Variants in WDR59 observed in about 807,000 individuals in gnomAD.
WDR59 encodes the protein GATOR2 complex protein WDR59.
Under a neutral mutation model 131.2 loss-of-function variants are expected in WDR59, and 100 were observed. That is an observed-to-expected ratio of 0.76 (90% CI 0.65 to 0.90). The LOEUF (loss-of-function observed/expected upper bound fraction) is 0.90. WDR59 is among the 40% of genes least tolerant of loss of function. The pLI, the probability that WDR59 is intolerant of heterozygous loss-of-function variation, is 0.00. For missense variants in WDR59, 1,203 were observed against 1,262.2 expected, an observed-to-expected ratio of 0.95 and a Z score of 0.71; for synonymous variants, 601 against 466.2, an observed-to-expected ratio of 1.29 and a Z score of -3.72.
chr16:74,917,144 C>A (rs929676357), intron 11 of WDR59, among the ~76,000 whole-genome samples: 1 of 152,172 alleles, frequency 6.6e-6, no homozygotes, highest in Non-Finnish European at 1.5e-5. Flanking sequence ...TAAGGCAGAG[C>A]AGAGCAAGGG....
intron 9 of WDR59, among the ~76,000 whole-genome samples, 189 bp downstream of exon 9, chr16:74,923,737 C>A (rs1317924436): frequency 2.0e-5 from 3 of 152,024 alleles, no homozygotes; most frequent in Non-Finnish European, 4.4e-5. Context: ...CCACTGCGCC[C>A]GGCCAAGAAT....
At position 74,921,987 on chromosome 16, in the gene WDR59, A is replaced by G. The variant is rs1342374572; in HGVS notation, c.846T>C (p.Asp282=). The part of the protein sequence containing the change: ...NTPVHTFVGH[D]DVVLEFQWRK... ...TCCACTGGAACTCCAGGACCACATC[A>G]TCATGCCCCACGAAGGTGTGGACTG... Residue 282 remains aspartate (D), a synonymous_variant, in exon 10 of 26, where the codon GAT becomes GAC. Coordinates refer to ENST00000262144, the MANE Select transcript of WDR59 (RefSeq NM_030581.4). The G allele has an allele frequency of 6.2e-7, 1 of 1,614,162 alleles. No homozygotes were observed. The highest frequency in any genetic ancestry group is 2.2e-5 in the East Asian group (1 of 44,886).
rs538145856 is a variant in WDR59 at position 74,908,764 on chromosome 16, A to G, written c.1712+144T>C. On this transcript the variant is annotated intron_variant, in intron 17 of 25. Transcript: ENST00000262144. Reference sequence around the variant, plus strand: ...CTTTTTTGCAATTTAATTGACTTCAATCTTTCTCAAATAAATCTTATAATG... The same window carrying G: ...CTTTTTTGCAATTTAATTGACTTCAGTCTTTCTCAAATAAATCTTATAATG... The G allele has an allele frequency of 2.2e-3, 1,379 of 614,004 alleles. 15 individuals carry two copies. Among genetic ancestry groups the G allele is most frequent in the Middle Eastern group, 1.0e-2 (39 of 3,906 alleles). The allele number at this position is 614,004 out of a possible 1,614,324, so 38.0% of individuals were successfully genotyped here. A position where few individuals can be genotyped will look rare whatever the true frequency, so the allele number is the denominator to read the frequency against.
chr16:74,981,578 T>A (rs2034404593), intron 1 of WDR59, among the ~76,000 whole-genome samples: 1 of 141,726 alleles, frequency 7.1e-6, no homozygotes, highest in Admixed American at 7.2e-5. Context: ...ACATATATAT[T>A]TTTTGTATTT....
intron 1 of WDR59, among the ~76,000 whole-genome samples, chr16:74,981,660 A>ATTTTTTT (rs1181233727): frequency 2.5e-5 from 2 of 80,862 alleles, no homozygotes; most frequent in African/African-American, 1.5e-4. Flanking sequence ...ATATATATAT[A>ATTTTTTT]TTTTTTTTTT....
chr16:74,899,585 A>T, intron 18 of WDR59: 1 of 887,540 alleles, frequency 1.1e-6, no homozygotes, highest in Non-Finnish European at 1.6e-6. Context: ...TGGTCCTGAA[A>T]ACAGCTCGCC....
At chr16:74,978,271 G>A (rs549062369) in intron 1 of WDR59, among the ~76,000 whole-genome samples, 41 of 146,758 alleles carry the variant, frequency 2.8e-4, no homozygotes, top group East Asian at 6.0e-4. Flanking sequence ...ACGGTGAGCC[G>A]AGATCGTGCG....
intron 3 of WDR59, among the ~76,000 whole-genome samples, chr16:74,952,425 C>A (rs1371012161): frequency 2.6e-4 from 30 of 115,596 alleles, no homozygotes; most frequent in Non-Finnish European, 4.3e-4. Flanking sequence ...CTGGGTGACA[C>A]AGCAAGACCC....
At chr16:74,936,757 G>A (rs1405293201) in intron 8 of WDR59, among the ~76,000 whole-genome samples, 1 of 150,816 alleles carries the variant, frequency 6.6e-6, no homozygotes, top group African/African-American at 2.4e-5. Context: ...ACCCAGGAGC[G>A]GAGGTTGCAG....
At chr16:74,932,034 T>A (rs2031434588) in intron 8 of WDR59, among the ~76,000 whole-genome samples, 1 of 151,352 alleles carries the variant, frequency 6.6e-6, no homozygotes, top group Middle Eastern at 3.5e-3. Context: ...TATTAATGAA[T>A]AACCTTTGAA....
intron 7 of WDR59, among the ~76,000 whole-genome samples, chr16:74,941,798 G>T (rs950025058): frequency 6.6e-6 from 1 of 152,060 alleles, no homozygotes; most frequent in African/African-American, 2.4e-5. Flanking sequence ...GGCTTCCCCA[G>T]CATGTCCTGG....
intron 1 of WDR59, among the ~76,000 whole-genome samples, chr16:74,974,392 T>C (rs1318541272): frequency 6.6e-6 from 1 of 152,150 alleles, no homozygotes; most frequent in Admixed American, 6.6e-5. Context: ...TTAATAATAA[T>C]GGTAATCAAC....
chr16:74,926,172 G>A (rs902287156), intron 8 of WDR59, among the ~76,000 whole-genome samples: 1 of 150,232 alleles, frequency 6.7e-6, no homozygotes, highest in Non-Finnish European at 1.5e-5. Flanking sequence ...CGATTCTCCT[G>A]CCTCAGCCTC....
At position 74,916,227 on chromosome 16, in the gene WDR59, A is replaced by C. The variant is rs1380160134; in HGVS notation, c.999T>G (p.Asp333Glu). Residue 333 changes from aspartate to glutamate, a missense_variant, in exon 12 of 26, where the codon GAT becomes GAG. Transcript: ENST00000262144. The part of the protein sequence containing the change: ...LCANDILDGV[D>E]EFIESISLLP... ...GAAGGGAAATACTCTCAATGAACTC[A>C]TCAACACCATCTAATATGTCATTTG... The C allele has an allele frequency of 1.9e-6, 3 of 1,614,012 alleles. No homozygotes were observed. Among genetic ancestry groups the C allele is most frequent in the Non-Finnish European group, 1.7e-6 (2 of 1,179,992 alleles).
rs1211307804 is a variant in WDR59 at position 74,985,059 on chromosome 16, C to T, written c.-42G>A. ...CCGCGGCCCCAGGACGGCGCCCTCC[C>T]ACCCCGCCGTCCCCAGTATCCCGGG... On this transcript the variant is annotated 5_prime_UTR_variant, in exon 1 of 26. Transcript: ENST00000262144. The T allele has an allele frequency of 1.3e-5, 20 of 1,533,922 alleles. No homozygotes were observed. The highest frequency in any genetic ancestry group is 2.4e-5 in the East Asian group (1 of 41,012).
intron 1 of WDR59, among the ~76,000 whole-genome samples, chr16:74,983,060 T>G (rs566807465): frequency 1.3e-5 from 2 of 152,266 alleles, no homozygotes; most frequent in African/African-American, 4.8e-5. Context: ...ATGAAAAGAA[T>G]GGCCAGGCAC....
At chr16:74,915,696 T>G in intron 13 of WDR59, 174 bp downstream of exon 13, 1 of 836,592 alleles carries the variant, frequency 1.2e-6, no homozygotes, top group Non-Finnish European at 1.8e-6. Flanking sequence ...AGTGCTGGGA[T>G]TACAGGCGTG....
chr16:74,936,868 C>T (rs575525223), intron 8 of WDR59, among the ~76,000 whole-genome samples: 1 of 151,754 alleles, frequency 6.6e-6, no homozygotes, highest in Non-Finnish European at 1.5e-5. Context: ...AAACGTAATA[C>T]GAACGAACAA....
chr16:74,956,723 CAA>C, intron 2 of WDR59, 113 bp from the exon 3 acceptor site: 1 of 1,323,272 alleles, frequency 7.6e-7, no homozygotes, highest in Non-Finnish European at 1.0e-6. Flanking sequence ...CCAAAAAACC[CAA>C]ACACACATGG....
Sources: gnomAD v4.1 joint callset for allele counts (sites outside exome capture counted in the v4.1 genomes callset) on GRCh38, gnomAD v4.1.1 for gene constraint, MANE v1.5 for transcripts, NCBI Gene and HGNC (gene_info 2026-07-23, HGNC 2026-07-21) for gene names.